Variants in USP5 observed in about 807,000 individuals in gnomAD.
USP5 encodes ubiquitin carboxyl-terminal hydrolase 5.
In USP5, 24 loss-of-function variants were observed where a neutral mutation model predicts 102.5. The observed-to-expected ratio is 0.23, with a 90% confidence interval of 0.17 to 0.33. The LOEUF is 0.33. Ranked by LOEUF, USP5 falls within the 10% of genes least tolerant of loss-of-function variation. The probability of loss-of-function intolerance (pLI) is 1.00; values close to 1 mark genes in which losing one functional copy is unlikely to be tolerated. For synonymous variants in USP5, 460 were observed against 434.8 expected, an observed-to-expected ratio of 1.06 and a Z score of -0.72; for missense variants, 753 against 1,122.1, an observed-to-expected ratio of 0.67 and a Z score of 4.70.
intron 18 of USP5, 104 bp from the exon 19 acceptor site, chr12:6,865,060 C>T: frequency 2.3e-6 from 3 of 1,302,558 alleles, no homozygotes; most frequent in Non-Finnish European, 2.2e-6. Context: ...CCTCACATTC[C>T]CTGAAACTCC....
At chr12:6,857,037 AC>A in intron 6 of USP5, 146 bp downstream of exon 6, 8 of 1,129,626 alleles carry the variant, frequency 7.1e-6, no homozygotes, top group Non-Finnish European at 9.8e-6. Flanking sequence ...TGCAATCCCA[AC>A]ACTTTGGGAG....
At position 6,864,541 on chromosome 12, in the gene USP5, T is replaced by A. The variant is rs1286670694; in HGVS notation, c.2245-181T>A. Among the ~76,000 whole-genome samples the A allele has an allele frequency of 6.6e-6, 1 of 151,950 alleles. No homozygotes were observed. The highest frequency in any genetic ancestry group is 2.4e-5 in the African/African-American group (1 of 41,346). ...CGTCTCTACGAAAAATACAAAAAATTAACCAAGCGTGGTGGTGGGCGTCTG... is the reference window on the plus strand; with the variant it reads ...CGTCTCTACGAAAAATACAAAAAATAAACCAAGCGTGGTGGTGGGCGTCTG... On this transcript the variant is annotated intron_variant, in intron 17 of 19. Transcript: ENST00000229268. This position sits in a 1 kb window ranked among gnomAD's most constrained non-coding sequence, Gnocchi z 4.8.
intron 19 of USP5, among the ~76,000 whole-genome samples, chr12:6,865,735 C>G (rs1238766274): frequency 6.6e-6 from 1 of 152,204 alleles, no homozygotes; most frequent in Admixed American, 6.5e-5. Context: ...AAAAGTTTAC[C>G]AACCCCCTGC....
intron 9 of USP5, among the ~76,000 whole-genome samples, 167 bp downstream of exon 9, chr12:6,859,708 A>G (rs944473504): frequency 6.6e-6 from 1 of 152,138 alleles, no homozygotes; most frequent in African/African-American, 2.4e-5. Context: ...GCTGGAGTGC[A>G]GTGGCGCGAT....
chr12:6,865,495 T>G (rs782758174), intron 19 of USP5, among the ~76,000 whole-genome samples: 1 of 152,036 alleles, frequency 6.6e-6, no homozygotes, highest in Non-Finnish European at 1.5e-5. Flanking sequence ...ACTCCTGAGC[T>G]CAAGTGATCC....
intron 13 of USP5, among the ~76,000 whole-genome samples, chr12:6,862,187 C>G (rs1168442364): frequency 6.6e-6 from 1 of 151,796 alleles, no homozygotes; most frequent in Non-Finnish European, 1.5e-5. Context: ...CTCAAGCAGT[C>G]GTCCTGCCTT....
In USP5 at chr12:6,856,649, T is replaced by C. The variant is rs2138041859; in HGVS notation, c.585-58T>C. ...GGGGGCCTGCAGAGCCCTCTCTCTC[T>C]GCCACTCCCTCAAATCCCCGACCCA... On this transcript the variant is annotated intron_variant, in intron 5 of 19. Transcript: ENST00000229268. The surrounding 1 kb of genome is among the most constrained non-coding windows in gnomAD (Gnocchi z 5.6). 1 of 1,594,964 alleles carries C rather than the reference T, an allele frequency of 6.3e-7. No individual in the cohort carries two copies. Among genetic ancestry groups the C allele is most frequent in the East Asian group, 2.2e-5 (1 of 44,762 alleles).
In USP5 at chr12:6,864,186, G is replaced by A. The variant is rs1944360025; in HGVS notation, c.2235G>A (p.Leu745=). 1.9e-6 allele frequency: 3 copies of A among 1,607,832 alleles called. No homozygotes were observed. In the African/African-American group the frequency reaches 4.0e-5, roughly 22 times the overall value. ...GFSRDQALKA[L]RATNNSLERA... ...CCCGGGACCAGGCCTTGAAAGCGCT[G>A]CGGGCCACGGTATGGGCTGCCCCAG... The change falls in exon 17 of 20, where the codon CTG becomes CTA. Residue 745 remains leucine, a synonymous_variant. Coordinates refer to ENST00000229268, the MANE Select transcript of USP5 (RefSeq NM_001098536.2). This position sits in a 1 kb window ranked among gnomAD's most constrained non-coding sequence, Gnocchi z 4.8.
At position 6,855,466 on chromosome 12, in the gene USP5, G is replaced by A. The variant is rs782363195; in HGVS notation, c.177G>A (p.Glu59=). The part of the protein sequence containing the change: ...TFLGFGKQYV[E]RHFNKTGQRV... ...TGGGCTTTGGGAAACAGTATGTGGA[G>A]AGACATTTCAATAAGACCGGCCAGC... Residue 59 remains glutamate (E), a synonymous_variant, in exon 2 of 20, where the codon GAG becomes GAA. Transcript: ENST00000229268. The surrounding 1 kb of genome is among the most constrained non-coding windows in gnomAD (Gnocchi z 4.6). 6.2e-7 allele frequency: 1 copy of A among 1,614,204 alleles called. No homozygotes were observed. Among genetic ancestry groups the A allele is most frequent in the Non-Finnish European group, 8.5e-7 (1 of 1,180,040 alleles).
intron 1 of USP5, among the ~76,000 whole-genome samples, chr12:6,853,305 G>C (rs1001404924): frequency 7.2e-5 from 11 of 152,196 alleles, no homozygotes; most frequent in Non-Finnish European, 1.3e-4. Flanking sequence ...TGCATCACCA[G>C]TACTGAGTAG....
chr12:6,861,733 T>C lies in USP5; in HGVS notation c.1673+116T>C. The C allele has an allele frequency of 8.3e-7, 1 of 1,202,868 alleles. No individual in the cohort carries two copies. The highest frequency in any genetic ancestry group is 1.1e-6 in the Non-Finnish European group (1 of 925,586). 74.5% of individuals were successfully genotyped at this position (1,202,868 alleles called of 1,614,324 possible). ...TTGTGGTTGGAACCTCAGGGTTGAA[T>C]CAGTTGGGCTGGTAATCTGGCCCTG... On this transcript the variant is annotated intron_variant, in intron 13 of 19. Coordinates refer to ENST00000229268, the MANE Select transcript of USP5 (RefSeq NM_001098536.2). This position sits in a 1 kb window ranked among gnomAD's most constrained non-coding sequence, Gnocchi z 4.9.
Position 6,860,340 on chromosome 12 carries a change from TGA to T in USP5, c.1219-24_1219-23del, listed in dbSNP as rs781865267. The T allele has an allele frequency of 8.1e-6, 13 of 1,614,146 alleles. No individual in the cohort carries two copies. Among genetic ancestry groups the T allele is most frequent in the Non-Finnish European group, 1.1e-5 (13 of 1,180,002 alleles). The stretch of plus-strand genomic sequence containing the variant: ...CCCTGGATGGCCACTGAGCCCCAGC[TGA>T]GTCCCTGCCCTGACTCTTCCCAGGA... On this transcript the variant is annotated intron_variant, in intron 10 of 19. Transcript: ENST00000229268. The surrounding 1 kb of genome is among the most constrained non-coding windows in gnomAD (Gnocchi z 5.5).
rs781825607 is a variant in USP5 at position 6,862,450 on chromosome 12, G to C, written c.1674-20G>C. The C allele has an allele frequency of 2.5e-6, 4 of 1,608,988 alleles. No individual in the cohort carries two copies. The African/African-American group carries it at 4.0e-5, about 16-fold the overall frequency. On this transcript the variant is annotated intron_variant, in intron 13 of 19. Transcript: ENST00000229268. ...AACCCTGGGGATTGTCTGGGTACCAGCACAGTCTCTCTTCCCTAGGACCAC... is the reference window on the plus strand; with the variant it reads ...AACCCTGGGGATTGTCTGGGTACCACCACAGTCTCTCTTCCCTAGGACCAC...
At position 6,858,328 on chromosome 12, in the gene USP5, C is replaced by A; in HGVS notation, c.865-96C>A. 1 of 1,320,910 alleles carries A rather than the reference C, an allele frequency of 7.6e-7. No individual in the cohort carries two copies. The highest frequency in any genetic ancestry group is 1.0e-6 in the Non-Finnish European group (1 of 957,540). The allele number at this position is 1,320,910 out of a possible 1,614,324, so 81.8% of individuals were successfully genotyped here. On this transcript the variant is annotated intron_variant, in intron 7 of 19. Coordinates refer to ENST00000229268, the MANE Select transcript of USP5 (RefSeq NM_001098536.2). The surrounding 1 kb of genome is among the most constrained non-coding windows in gnomAD (Gnocchi z 4.2). ...AGCCTGTAATTCCACAAATTCTAGG[C>A]CACAGTTGAGTATCATCCTAGACTC...
chr12:6,860,431 C>T lies in USP5; in HGVS notation c.1284C>T (p.Phe428=), dbSNP rs782698490. Residue 428 remains phenylalanine, a synonymous_variant, in exon 11 of 20, where the codon TTC becomes TTT. Transcript: ENST00000229268. This position sits in a 1 kb window ranked among gnomAD's most constrained non-coding sequence, Gnocchi z 5.5. ...TCATCGGCAAGGGCCACCCTGAATTCTCCACCAACCGGCAGCAGGATGCCC... is the reference window on the plus strand; with the variant it reads ...TCATCGGCAAGGGCCACCCTGAATTTTCCACCAACCGGCAGCAGGATGCCC... ...KALIGKGHPE[F]STNRQQDAQE... is the part of the protein sequence containing the mutation. 11 of 1,614,068 alleles carry T rather than the reference C, an allele frequency of 6.8e-6. No individual in the cohort carries two copies. Among genetic ancestry groups the T allele is most frequent in the Non-Finnish European group, 9.3e-6 (11 of 1,180,044 alleles).
At chr12:6,857,122 C>A (rs1944139605) in intron 6 of USP5, among the ~76,000 whole-genome samples, 1 of 150,954 alleles carries the variant, frequency 6.6e-6, no homozygotes, top group Non-Finnish European at 1.5e-5. Context: ...CTCATCTCTC[C>A]AAAAAAGAAA....
chr12:6,864,960 TC>T lies in USP5; in HGVS notation c.2398+87del, dbSNP rs2138074333. On this transcript the variant is annotated intron_variant, in intron 18 of 19. Coordinates refer to ENST00000229268, the MANE Select transcript of USP5 (RefSeq NM_001098536.2). This position sits in a 1 kb window ranked among gnomAD's most constrained non-coding sequence, Gnocchi z 4.8. Reference sequence around the variant, plus strand: ...ATCCCTCATTCAGGCAGCTCTGCCCTCCTCAGGAGTCAGGGGCTTCTTTCCA... The same window carrying T: ...ATCCCTCATTCAGGCAGCTCTGCCCTCTCAGGAGTCAGGGGCTTCTTTCCA... 6.6e-7 allele frequency: 1 copy of T among 1,524,050 alleles called. No individual in the cohort carries two copies. The highest frequency in any genetic ancestry group is 2.3e-5 in the East Asian group (1 of 43,660). The allele number at this position is 1,524,050 out of a possible 1,614,324, so 94.4% of individuals were successfully genotyped here.
Position 6,856,320 on chromosome 12 carries a change from G to A in USP5, c.454G>A (p.Glu152Lys), listed in dbSNP as rs782021481. Residue 152 changes from glutamate (E) to lysine (K), a missense_variant, in exon 5 of 20, where the codon GAG becomes AAG. Transcript: ENST00000229268. The surrounding 1 kb of genome is among the most constrained non-coding windows in gnomAD (Gnocchi z 5.6). Reference protein sequence around the residue: ...IVRDRVTSAVEALLSADSASR... With the variant: ...IVRDRVTSAVKALLSADSASR... ...CTTCCCCCAGGTGACCAGTGCAGTG[G>A]AGGCCCTACTGTCGGCCGACTCAGC... 1.2e-6 allele frequency: 2 copies of A among 1,613,436 alleles called. No homozygotes were observed. Among genetic ancestry groups the A allele is most frequent in the Non-Finnish European group, 1.7e-6 (2 of 1,179,666 alleles).
In USP5 at chr12:6,858,395, C is replaced by T. The variant is rs375006887; in HGVS notation, c.865-29C>T. On this transcript the variant is annotated intron_variant, in intron 7 of 19. Transcript: ENST00000229268. The surrounding 1 kb of genome is among the most constrained non-coding windows in gnomAD (Gnocchi z 4.2). ...AAAAACTACAGGGTTGAGTTTCTCACTCAGTCTGAAGTGCCCCTTCTCACA... is the reference window on the plus strand; with the variant it reads ...AAAAACTACAGGGTTGAGTTTCTCATTCAGTCTGAAGTGCCCCTTCTCACA... The T allele has an allele frequency of 2.9e-5, 46 of 1,585,966 alleles. No individual in the cohort carries two copies. In the East Asian group the frequency reaches 4.1e-4, roughly 14 times the overall value.
Sources: allele counts gnomAD v4.1 joint callset (sites outside exome capture counted in the v4.1 genomes callset), GRCh38; gene constraint gnomAD v4.1.1; non-coding constraint Gnocchi (gnomAD v3.1); transcripts MANE v1.5; gene names NCBI Gene and HGNC (gene_info 2026-07-23, HGNC 2026-07-21).